The following SCFD2 variants were observed in gnomAD, a reference collection of about 807,000 sequenced individuals.
SCFD2 encodes the protein sec1 family domain-containing protein 2.
A neutral mutation model predicts 58.9 loss-of-function variants in SCFD2; 54 were observed. That is an observed-to-expected ratio of 0.92 (90% confidence interval 0.74 to 1.15). SCFD2 has a LOEUF of 1.15. SCFD2 is among the 50% of genes most tolerant of loss of function. The pLI, the probability that SCFD2 is intolerant of heterozygous loss-of-function variation, is 0.00. For synonymous variants in SCFD2, 321 were observed against 335.9 expected, an observed-to-expected ratio of 0.96 and a Z score of 0.49; for missense variants, 805 against 836.6, an observed-to-expected ratio of 0.96 and a Z score of 0.47.
chr4:53,176,865 C>T (rs138062114), intron 4 of SCFD2, among the ~76,000 whole-genome samples: 2,318 of 151,182 alleles, frequency 0.015, 72 homozygotes, highest in African/African-American at 0.053. Flanking sequence ...AGGAGAATCA[C>T]TTGAACCCGG....
intron 5 of SCFD2, among the ~76,000 whole-genome samples, chr4:52,944,412 GAGA>G (rs1419550001): frequency 6.6e-6 from 1 of 152,140 alleles, no homozygotes. Flanking sequence ...TGGGACTTAA[GAGA>G]AGAACCATGA....
At chr4:53,045,942 G>A (rs754275996) in intron 5 of SCFD2, among the ~76,000 whole-genome samples, 1 of 151,740 alleles carries the variant, frequency 6.6e-6, no homozygotes, top group Non-Finnish European at 1.5e-5. Flanking sequence ...AAAATCTATA[G>A]CTTTGTAGAG....
intron 6 of SCFD2, among the ~76,000 whole-genome samples, chr4:52,909,533 T>C (rs1719433090): frequency 6.6e-6 from 1 of 152,164 alleles, no homozygotes; most frequent in Admixed American, 6.6e-5. Context: ...TGAAACATAG[T>C]AACTATCAGC....
At chr4:53,044,763 G>A (rs915616470) in intron 5 of SCFD2, among the ~76,000 whole-genome samples, 4 of 151,540 alleles carry the variant, frequency 2.6e-5, no homozygotes, top group African/African-American at 7.3e-5. Flanking sequence ...GGCAGTGTAG[G>A]AAGCAGACAC....
intron 7 of SCFD2, among the ~76,000 whole-genome samples, chr4:52,905,767 ACT>A (rs1027284197): frequency 2.6e-5 from 4 of 152,092 alleles, no homozygotes; most frequent in Non-Finnish European, 5.9e-5. Flanking sequence ...TGTAGAAAAC[ACT>A]CTGCAGAATT....
chr4:53,072,851 G>A (rs1166410538), intron 5 of SCFD2, among the ~76,000 whole-genome samples: 3 of 150,446 alleles, frequency 2.0e-5, no homozygotes, highest in South Asian at 4.2e-4. Flanking sequence ...TTGTGTGTCC[G>A]CATCCTAGTT....
At chr4:52,969,913 G>A (rs1353570828) in intron 5 of SCFD2, among the ~76,000 whole-genome samples, 1 of 152,170 alleles carries the variant, frequency 6.6e-6, no homozygotes, top group African/African-American at 2.4e-5. Flanking sequence ...ATGCAAAAAT[G>A]AAAATCACTG....
chr4:53,209,659 A>G (rs142868392), intron 4 of SCFD2, among the ~76,000 whole-genome samples: 1 of 152,224 alleles, frequency 6.6e-6, no homozygotes, highest in Non-Finnish European at 1.5e-5. Flanking sequence ...GAGTAGAAAA[A>G]TGATGACATG....
chr4:52,895,742 G>A (rs879436371), intron 7 of SCFD2, among the ~76,000 whole-genome samples: 11 of 152,144 alleles, frequency 7.2e-5, no homozygotes, highest in South Asian at 2.1e-4. Context: ...CTGAGGAATC[G>A]TCACACCGAT....
chr4:53,051,624 A>G (rs942288927), intron 5 of SCFD2, among the ~76,000 whole-genome samples: 1 of 152,198 alleles, frequency 6.6e-6, no homozygotes, highest in Non-Finnish European at 1.5e-5. Flanking sequence ...TACGGTGGCT[A>G]GATTTAATTA....
chr4:53,179,327 G>C (rs752104428), intron 4 of SCFD2, among the ~76,000 whole-genome samples: 5 of 152,174 alleles, frequency 3.3e-5, no homozygotes, highest in Non-Finnish European at 7.3e-5. Flanking sequence ...CAAGCCAGAA[G>C]AGAGTGGGGA....
At chr4:52,945,465 A>T (rs1720398944) in intron 5 of SCFD2, among the ~76,000 whole-genome samples, 2 of 152,196 alleles carry the variant, frequency 1.3e-5, no homozygotes, top group African/African-American at 4.8e-5. Flanking sequence ...AGTCTGGTAA[A>T]ATAATTCCAT....
rs530963278 is a variant in SCFD2, at chr4:53,363,167, ACTCTGTCACCCAG to A, written c.838+1924_838+1936del. The stretch of plus-strand genomic sequence containing the variant: ...TTTTTCTTTTTTGAGACAGAATCTG[ACTCTGTCACCCAG>A]GTTGGAGTGCAGGGATGTGATGGTG... On this transcript the variant is annotated intron_variant, in intron 1 of 8. Coordinates refer to ENST00000401642, the MANE Select transcript of SCFD2 (RefSeq NM_152540.4). Among the ~76,000 whole-genome samples the A allele has an allele frequency of 4.0e-5, 6 of 151,082 alleles. No homozygotes were observed. In the East Asian group the frequency reaches 1.2e-3, roughly 30 times the overall value.
intron 2 of SCFD2, among the ~76,000 whole-genome samples, chr4:53,350,439 T>C (rs1734182703): frequency 6.6e-6 from 1 of 152,216 alleles, no homozygotes. Flanking sequence ...TTCCTAGAAC[T>C]ATTTTGTCCT....
At chr4:53,152,424 C>T (rs192106725) in intron 4 of SCFD2, among the ~76,000 whole-genome samples, 6 of 152,058 alleles carry the variant, frequency 3.9e-5, no homozygotes, top group Admixed American at 6.5e-5. Context: ...AGCCACTAAA[C>T]GTCTCATACA....
At chr4:53,318,694 T>C (rs1349335328) in intron 2 of SCFD2, among the ~76,000 whole-genome samples, 1 of 152,034 alleles carries the variant, frequency 6.6e-6, no homozygotes, top group South Asian at 2.1e-4. Flanking sequence ...CTGGTCAACA[T>C]CTTTTTGATA....
intron 7 of SCFD2, among the ~76,000 whole-genome samples, chr4:52,905,937 G>T (rs1719337792): frequency 1.3e-5 from 2 of 152,186 alleles, no homozygotes; most frequent in South Asian, 4.1e-4. Context: ...TCCTCAGGAA[G>T]GATTGTAAAG....
intron 2 of SCFD2, among the ~76,000 whole-genome samples, chr4:53,330,876 G>T (rs1275648197): frequency 1.3e-5 from 2 of 151,778 alleles, no homozygotes; most frequent in Non-Finnish European, 2.9e-5. Flanking sequence ...ACACACACAG[G>T]CTCAAAATAA....
At chr4:53,022,986 A>G (rs558900389) in intron 5 of SCFD2, among the ~76,000 whole-genome samples, 7 of 152,240 alleles carry the variant, frequency 4.6e-5, no homozygotes, top group Non-Finnish European at 8.8e-5. Flanking sequence ...CATTTTGAAA[A>G]CTATCCAAAA....
Sources: gnomAD v4.1 joint callset for allele counts (sites outside exome capture counted in the v4.1 genomes callset) on GRCh38, gnomAD v4.1.1 for gene constraint, MANE v1.5 for transcripts, NCBI Gene and HGNC (gene_info 2026-07-23, HGNC 2026-07-21) for gene names.